Variants in TRAPPC13 observed in about 807,000 individuals in gnomAD.
The protein encoded by TRAPPC13 is trafficking protein particle complex subunit 13.
In TRAPPC13, 39 loss-of-function variants were observed where a neutral mutation model predicts 54.0. The observed-to-expected ratio is 0.72, with a 90% CI of 0.56 to 0.94. The LOEUF (loss-of-function observed/expected upper bound fraction) is 0.94. Among genes scored for constraint, TRAPPC13 ranks in the 40% least tolerant of loss-of-function variants. The pLI is 0.00. For synonymous variants in TRAPPC13, 148 were observed against 167.7 expected (o/e 0.88, Z 0.91); for missense variants, 386 against 488.1 (o/e 0.79, Z 1.97).
chr5:65,651,846 T>TTTTTTG (rs1756460378), intron 6 of TRAPPC13, among the ~76,000 whole-genome samples: 2 of 22,922 alleles, frequency 8.7e-5, no homozygotes, highest in African/African-American at 2.2e-4. Context: ...GATTCAGTTT[T>TTTTTTG]TTTTTTTTTT....
At chr5:65,661,453 G>C (rs538373818) in intron 10 of TRAPPC13, 10 of 152,364 alleles carry the variant, frequency 6.6e-5, no homozygotes, top group African/African-American at 2.4e-4. Context: ...CTCCCTTTAT[G>C]CTGAATATTA....
intron 2 of TRAPPC13, 38 bp downstream of exon 2, chr5:65,635,407 A>G (rs558380166): frequency 6.4e-7 from 1 of 1,558,312 alleles, no homozygotes. Flanking sequence ...ACCTAGGGAA[A>G]GGTTGAAACC....
At chr5:65,637,823 A>G (rs777259184) in intron 4 of TRAPPC13, 43 bp downstream of exon 4, 2 of 1,316,530 alleles carry the variant, frequency 1.5e-6, no homozygotes, top group East Asian at 2.5e-5. Flanking sequence ...GTCTTTAACA[A>G]AGGTTTTTTT....
chr5:65,627,179 G>T (rs1755282319), intron 1 of TRAPPC13, among the ~76,000 whole-genome samples: 1 of 134,778 alleles, frequency 7.4e-6, no homozygotes, highest in South Asian at 2.5e-4. Flanking sequence ...AGCCTAAACG[G>T]ACAAGTGCTT....
chr5:65,633,518 T>G (rs912406977), intron 1 of TRAPPC13, among the ~76,000 whole-genome samples: 1 of 152,138 alleles, frequency 6.6e-6, no homozygotes, highest in Non-Finnish European at 1.5e-5. Context: ...TCCGCCCGCC[T>G]CGGCCTCCCA....
At chr5:65,632,416 G>T (rs1273486823) in intron 1 of TRAPPC13, among the ~76,000 whole-genome samples, 1 of 152,140 alleles carries the variant, frequency 6.6e-6, no homozygotes, top group African/African-American at 2.4e-5. Flanking sequence ...ATCTGTAGCT[G>T]ATTAATACTC....
intron 7 of TRAPPC13, among the ~76,000 whole-genome samples, chr5:65,654,087 A>G (rs1012763033): frequency 2.0e-5 from 3 of 152,160 alleles, no homozygotes; most frequent in African/African-American, 7.2e-5. Context: ...GGTTTTCTTC[A>G]TTAAAAATAT....
At chr5:65,630,449 C>G in intron 1 of TRAPPC13, 1 of 1,395,696 alleles carries the variant, frequency 7.2e-7, no homozygotes, top group Non-Finnish European at 9.2e-7. Flanking sequence ...TTTTAGAATT[C>G]CTAGGCTTGT....
At chr5:65,630,853 T>C (rs143604576) in intron 1 of TRAPPC13, 1 of 202,070 alleles carries the variant, frequency 4.9e-6, no homozygotes, top group African/African-American at 2.3e-5. Context: ...AAAACGATAA[T>C]GTATCCTGTT....
At chr5:65,644,298 T>C (rs553287381) in intron 4 of TRAPPC13, among the ~76,000 whole-genome samples, 1 of 152,232 alleles carries the variant, frequency 6.6e-6, no homozygotes, top group East Asian at 1.9e-4. Flanking sequence ...TGCCTCAGCC[T>C]CCCGAGTAGC....
rs1756980691 is a variant in TRAPPC13, at chr5:65,664,824, A to G, written c.*213A>G. ...GAACATGTGTATATTTTCTACACCT[A>G]TTATTTAATTTCATTTCATTTTAGA... is the stretch of plus-strand genomic sequence containing the variant. On this transcript the variant is annotated 3_prime_UTR_variant, in exon 13 of 13. Coordinates refer to ENST00000399438, the MANE Select transcript of TRAPPC13 (RefSeq NM_024941.4). 4 of 541,422 alleles carry G rather than the reference A, an allele frequency of 7.4e-6. No individual in the cohort carries two copies. The highest frequency in any genetic ancestry group is 9.7e-6 in the Non-Finnish European group (3 of 310,094). 33.5% of individuals were successfully genotyped at this position (541,422 alleles called of 1,614,324 possible).
intron 1 of TRAPPC13, 114 bp from the exon 2 acceptor site, chr5:65,635,187 T>C: frequency 1.1e-6 from 1 of 883,392 alleles, no homozygotes; most frequent in Non-Finnish European, 1.7e-6. Context: ...TTAGGAAGTA[T>C]TTAGGTTATA....
chr5:65,630,370 T>A, intron 1 of TRAPPC13: 3 of 1,457,344 alleles, frequency 2.1e-6, no homozygotes, highest in Non-Finnish European at 2.7e-6. Context: ...AAAAGAATAT[T>A]CTGAATGAAA....
chr5:65,652,630 T>C (rs748703979), intron 7 of TRAPPC13, 85 bp downstream of exon 7: 14 of 985,678 alleles, frequency 1.4e-5, no homozygotes, highest in Non-Finnish European at 2.1e-5. Flanking sequence ...TTTCTAATAC[T>C]GAAGCAAATC....
At chr5:65,650,657 A>G (rs1187663431) in intron 5 of TRAPPC13, among the ~76,000 whole-genome samples, 153 bp from the exon 6 acceptor site, 2 of 152,178 alleles carry the variant, frequency 1.3e-5, no homozygotes, top group African/African-American at 4.8e-5. Context: ...AATTATGTCC[A>G]TATCTATTCT....
chr5:65,655,733 C>A, intron 8 of TRAPPC13, 80 bp downstream of exon 8: 2 of 494,028 alleles, frequency 4.0e-6, no homozygotes, highest in Non-Finnish European at 6.3e-6. Flanking sequence ...TCTCTCTTTA[C>A]AAAACATAGT....
intron 1 of TRAPPC13, chr5:65,629,918 C>A (rs1755456064): frequency 6.5e-7 from 1 of 1,536,072 alleles, no homozygotes. Context: ...ACTGAAGGAA[C>A]AGACTAATTC....
intron 1 of TRAPPC13, among the ~76,000 whole-genome samples, chr5:65,631,579 A>G (rs1755544283): frequency 6.6e-6 from 1 of 152,066 alleles, no homozygotes; most frequent in African/African-American, 2.4e-5. Flanking sequence ...TTTTGTGTCC[A>G]TGTATACTCA....
rs1029045773 is a variant in TRAPPC13, at chr5:65,629,722, T to G, written c.46+4616T>G. 3 of 1,535,980 alleles carry G rather than the reference T, an allele frequency of 2.0e-6. No homozygotes were observed. The African/African-American group carries it at 4.1e-5, about 21-fold the overall frequency. On this transcript the variant is annotated intron_variant, in intron 1 of 12. Transcript: ENST00000399438. ...GATTTATACCTTGGTTTCCATATGA[T>G]GGGTCCAAGCTTCCACTCAGACCTA...
Sources: allele counts gnomAD v4.1 joint callset (sites outside exome capture counted in the v4.1 genomes callset), GRCh38; gene constraint gnomAD v4.1.1; transcripts MANE v1.5; gene names NCBI Gene and HGNC (gene_info 2026-07-23, HGNC 2026-07-21).